CADM2: variants seen among roughly 807,000 people sequenced by gnomAD.
CADM2 encodes the protein immunoglobulin superfamily member 4D.
In CADM2, 12 loss-of-function variants were observed where a neutral mutation model predicts 49.8. The ratio of observed to expected loss-of-function variants is 0.24; its 90% CI spans 0.15 to 0.39. CADM2 has a LOEUF of 0.39. Ranked by LOEUF, CADM2 falls within the 10% of genes least tolerant of loss-of-function variation. The pLI is 1.00. For synonymous variants in CADM2, 214 were observed against 175.4 expected, an observed-to-expected ratio of 1.22 and a Z score of -1.74; for missense variants, 378 against 492.3, an observed-to-expected ratio of 0.77 and a Z score of 2.20.
chr3:85,268,405 TG>T (rs1170909808), intron 1 of CADM2, among the ~76,000 whole-genome samples: 2 of 151,500 alleles, frequency 1.3e-5, no homozygotes, highest in African/African-American at 4.8e-5. Flanking sequence ...GATTAAAGGA[TG>T]ACTCTTCCTT....
chr3:85,384,366 G>A (rs2034088789), intron 1 of CADM2, among the ~76,000 whole-genome samples: 1 of 151,564 alleles, frequency 6.6e-6, no homozygotes, highest in Admixed American at 6.6e-5. Context: ...GCCCACGGTG[G>A]AGTGCAATGG....
At chr3:85,919,941 G>A (rs1718878614) in intron 6 of CADM2, among the ~76,000 whole-genome samples, 1 of 151,926 alleles carries the variant, frequency 6.6e-6, no homozygotes, top group African/African-American at 2.4e-5. Flanking sequence ...ATTCTCAGAT[G>A]TGGGCAGAGA....
rs187549656 is a variant in CADM2, at chr3:85,880,305, A to G, written c.239-2986A>G. ...AGTATTCCTTCTATATATGGTGGAC[A>G]TTATCAAAGTTATACTTTTTGTTTT... On this transcript the variant is annotated intron_variant, in intron 3 of 9. Transcript: ENST00000383699. 1.2e-4 allele frequency among the ~76,000 whole-genome samples: 19 copies of G among 152,232 alleles called. No individual in the cohort carries two copies. The East Asian group carries it at 3.7e-3, about 29-fold the overall frequency.
chr3:85,200,267 A>G (rs1044391289), intron 1 of CADM2, among the ~76,000 whole-genome samples: 2 of 152,052 alleles, frequency 1.3e-5, no homozygotes, highest in Non-Finnish European at 2.9e-5. Context: ...TCATTAATTT[A>G]TATACAAAAC....
At chr3:85,057,541 A>G (rs1033503676) in intron 1 of CADM2, among the ~76,000 whole-genome samples, 2 of 152,132 alleles carry the variant, frequency 1.3e-5, no homozygotes, top group Non-Finnish European at 2.9e-5. Context: ...TTAAATATAG[A>G]ATCTGTTTTT....
chr3:85,003,260 T>C (rs778830577), intron 1 of CADM2, among the ~76,000 whole-genome samples: 5 of 152,170 alleles, frequency 3.3e-5, no homozygotes, highest in Admixed American at 6.6e-5. Context: ...AGTATGGAAT[T>C]CCATGATTTA....
intron 1 of CADM2, among the ~76,000 whole-genome samples, chr3:85,668,295 C>CAAAAAAAAAAAAAAAAAAAAACAAAAAA (rs11447925): frequency 1.2e-5 from 1 of 81,774 alleles, no homozygotes; most frequent in Non-Finnish European, 2.5e-5. Flanking sequence ...AGTACCAAAG[C>CAAAAAAAAAAAAAAAAAAAAACAAAAAA]AAAAAAAAAA....
chr3:85,171,909 A>C (rs2040638649), intron 1 of CADM2, among the ~76,000 whole-genome samples: 1 of 152,210 alleles, frequency 6.6e-6, no homozygotes. Flanking sequence ...TGCTTCTAAC[A>C]TCGCATAGAT....
chr3:85,844,852 T>TA (rs1268318808), intron 3 of CADM2, among the ~76,000 whole-genome samples: 16 of 151,976 alleles, frequency 1.1e-4, no homozygotes, highest in African/African-American at 2.7e-4. Context: ...CTAATTCCTG[T>TA]AAAAAAATGA....
intron 1 of CADM2, among the ~76,000 whole-genome samples, chr3:85,414,452 T>A (rs868831067): frequency 2.0e-5 from 3 of 152,282 alleles, no homozygotes; most frequent in South Asian, 2.1e-4. Flanking sequence ...CAGTAAAATA[T>A]TTATTATTAG....
At chr3:85,000,221 C>T (rs1479137970) in intron 1 of CADM2, among the ~76,000 whole-genome samples, 1 of 151,068 alleles carries the variant, frequency 6.6e-6, no homozygotes, top group Non-Finnish European at 1.5e-5. Flanking sequence ...TTAAGCAATC[C>T]TCCTACCTTA....
Position 85,699,385 on chromosome 3 carries a change from AC to A in CADM2, c.62-27136del, listed in dbSNP as rs1197611222. The stretch of plus-strand genomic sequence containing the variant: ...GGCTCCAACCCCACATTTCCTCTCC[AC>A]ACTGCCCTAGTAGAGATTCCCCGTG... On this transcript the variant is annotated intron_variant, in intron 1 of 9. Coordinates refer to ENST00000383699, the MANE Select transcript of CADM2 (RefSeq NM_001167675.2). 6.6e-5 allele frequency among the ~76,000 whole-genome samples: 10 copies of A among 152,212 alleles called. No homozygotes were observed. The South Asian group carries it at 8.3e-4, about 13-fold the overall frequency.
intron 1 of CADM2, among the ~76,000 whole-genome samples, chr3:85,033,773 G>A (rs1016305): frequency 0.63 from 96,068 of 151,916 alleles, 32,409 homozygotes; most frequent in African/African-American, 0.87. Context: ...GAGAATGCAA[G>A]TACAATATAT....
chr3:85,963,614 A>T (rs1725111942), intron 8 of CADM2, among the ~76,000 whole-genome samples: 1 of 151,956 alleles, frequency 6.6e-6, no homozygotes. Context: ...AATATGACAT[A>T]AAATATTGAG....
intron 1 of CADM2, among the ~76,000 whole-genome samples, chr3:85,268,814 C>T (rs2043174819): frequency 6.6e-6 from 1 of 151,108 alleles, no homozygotes; most frequent in Non-Finnish European, 1.5e-5. Context: ...ATCAATAAAA[C>T]TATGTTCTAT....
intron 1 of CADM2, among the ~76,000 whole-genome samples, chr3:85,716,572 C>A (rs2067301625): frequency 6.6e-6 from 1 of 152,144 alleles, no homozygotes; most frequent in African/African-American, 2.4e-5. Context: ...ATCATGAAGT[C>A]TTTGCCCTTG....
At chr3:85,949,711 GA>G in intron 7 of CADM2, among the ~76,000 whole-genome samples, 1 of 151,024 alleles carries the variant, frequency 6.6e-6, no homozygotes, top group South Asian at 2.1e-4. Flanking sequence ...ATTATTTTCT[GA>G]AGATCACTGG....
chr3:85,161,578 T>TAA (rs915524084), intron 1 of CADM2, among the ~76,000 whole-genome samples: 1 of 150,896 alleles, frequency 6.6e-6, no homozygotes, highest in Admixed American at 6.6e-5. Context: ...ATTTAATGTA[T>TAA]AAAAAAAAAT....
intron 1 of CADM2, among the ~76,000 whole-genome samples, chr3:85,079,917 G>A (rs931014283): frequency 6.6e-6 from 1 of 151,792 alleles, no homozygotes; most frequent in Non-Finnish European, 1.5e-5. Context: ...GAGAAGGAAG[G>A]ATGATGAAGG....
Sources: gnomAD v4.1 joint callset for allele counts (sites outside exome capture counted in the v4.1 genomes callset) on GRCh38, gnomAD v4.1.1 for gene constraint, MANE v1.5 for transcripts, NCBI Gene and HGNC (gene_info 2026-07-23, HGNC 2026-07-21) for gene names.